The following RALA variants were observed in gnomAD, a reference collection of about 807,000 sequenced individuals.
The protein encoded by RALA is RAS like proto-oncogene A, also known as ras-related protein Ral-A.
In RALA, 5 loss-of-function variants were observed where a neutral mutation model predicts 24.0. The ratio of observed to expected loss-of-function variants is 0.21; its 90% CI spans 0.11 to 0.44. The LOEUF is 0.44. RALA is among the 20% of genes least tolerant of loss of function. The pLI is 0.99. For missense variants in RALA, 95 were observed against 241.2 expected, an observed-to-expected ratio of 0.39 and a Z score of 4.01; for synonymous variants, 77 against 83.8, an observed-to-expected ratio of 0.92 and a Z score of 0.44.
intron 2 of RALA, among the ~76,000 whole-genome samples, chr7:39,687,927 A>G (rs1792737294): frequency 6.6e-6 from 1 of 152,004 alleles, no homozygotes; most frequent in African/African-American, 2.4e-5. Context: ...CCATGTCTTT[A>G]TCTCTTTTTT....
chr7:39,630,952 A>C (rs189689764), intron 1 of RALA, among the ~76,000 whole-genome samples: 106 of 151,698 alleles, frequency 7.0e-4, no homozygotes, highest in Non-Finnish European at 1.8e-4. Context: ...TTCTTGTATG[A>C]ATTTTAGCAT....
chr7:39,636,824 A>C (rs758756868), intron 1 of RALA, among the ~76,000 whole-genome samples: 1 of 152,088 alleles, frequency 6.6e-6, no homozygotes, highest in Admixed American at 6.5e-5. Flanking sequence ...GCACATTCTC[A>C]TTATGGTGGA....
chr7:39,691,800 A>G (rs951575255), intron 3 of RALA, among the ~76,000 whole-genome samples: 9 of 152,248 alleles, frequency 5.9e-5, no homozygotes, highest in African/African-American at 2.2e-4. Context: ...AGACTCTGGT[A>G]GCTTGTAATT....
intron 1 of RALA, among the ~76,000 whole-genome samples, chr7:39,640,762 A>C (rs1791800229): frequency 6.6e-6 from 1 of 152,244 alleles, no homozygotes; most frequent in Admixed American, 6.5e-5. Context: ...CTTCATCTTC[A>C]TTCAACAGTT....
intron 1 of RALA, among the ~76,000 whole-genome samples, chr7:39,673,209 T>G (rs1269576512): frequency 3.9e-5 from 6 of 152,152 alleles, no homozygotes; most frequent in African/African-American, 1.4e-4. Context: ...AGAAATTATC[T>G]TCACAAATTT....
intron 4 of RALA, chr7:39,700,474 T>G (rs1793007582): frequency 6.6e-6 from 1 of 152,314 alleles, no homozygotes; most frequent in Admixed American, 6.5e-5. Context: ...TAGTTTAGGC[T>G]TCCTCACAGC....
At chr7:39,672,556 A>T (rs986465816) in intron 1 of RALA, among the ~76,000 whole-genome samples, 28 of 152,136 alleles carry the variant, frequency 1.8e-4, no homozygotes, top group Non-Finnish European at 1.3e-4. Flanking sequence ...AGACCTGTAC[A>T]CAAAAGTTTA....
chr7:39,631,984 G>A (rs936653592), intron 1 of RALA, among the ~76,000 whole-genome samples: 2 of 152,192 alleles, frequency 1.3e-5, no homozygotes, highest in African/African-American at 4.8e-5. Flanking sequence ...GTGAGCAGGT[G>A]TGACACATGG....
intron 1 of RALA, among the ~76,000 whole-genome samples, chr7:39,671,716 C>T (rs560054463): frequency 6.7e-6 from 1 of 149,096 alleles, no homozygotes; most frequent in African/African-American, 2.6e-5. Context: ...GTTAAACCAT[C>T]TTTAAGCCAT....
Position 39,696,816 on chromosome 7 carries a change from A to G in RALA, c.455A>G (p.Asn152Ser). ...AKNRAEQWNV[N>S]YVETSAKTRA... is the part of the protein sequence containing the mutation. ...AACAGAGCTGAGCAGTGGAATGTTA[A>G]CTACGTGGAAACATCTGCTAAAACA... is the stretch of plus-strand genomic sequence containing the variant. The change falls in exon 4 of 5, where the codon AAC (asparagine) becomes AGC (serine). Residue 152 changes from asparagine (N) to serine (S), a missense_variant. Asn to Ser is a conservative substitution (Grantham distance 46). Transcript: ENST00000005257. 1.2e-6 allele frequency: 2 copies of G among 1,613,512 alleles called. No homozygotes were observed. The highest frequency in any genetic ancestry group is 8.5e-7 in the Non-Finnish European group (1 of 1,179,792).
chr7:39,689,587 A>G (rs985544621), intron 2 of RALA, among the ~76,000 whole-genome samples: 5 of 152,204 alleles, frequency 3.3e-5, no homozygotes, highest in African/African-American at 9.7e-5. Context: ...AAAACCCACA[A>G]ATGTCTGTGT....
chr7:39,683,952 T>C (rs183900894), intron 1 of RALA, among the ~76,000 whole-genome samples: 3 of 152,300 alleles, frequency 2.0e-5, no homozygotes, highest in South Asian at 4.1e-4. Flanking sequence ...ACAGTAGATA[T>C]ATTAGCTGTG....
chr7:39,701,249 A>T (rs1041169655), intron 4 of RALA, among the ~76,000 whole-genome samples: 2 of 152,190 alleles, frequency 1.3e-5, no homozygotes, highest in African/African-American at 4.8e-5. Flanking sequence ...GTGCCACCAC[A>T]CCTATAATCC....
chr7:39,642,030 C>G (rs1314028228), intron 1 of RALA, among the ~76,000 whole-genome samples: 7 of 152,072 alleles, frequency 4.6e-5, no homozygotes, highest in Non-Finnish European at 1.0e-4. Context: ...TGGAACAGCC[C>G]TTAAGGGGTC....
intron 1 of RALA, among the ~76,000 whole-genome samples, chr7:39,643,469 C>A (rs1231526383): frequency 1.3e-5 from 2 of 152,222 alleles, no homozygotes; most frequent in Non-Finnish European, 2.9e-5. Flanking sequence ...ACCTCTAACC[C>A]CAGCACTTTG....
chr7:39,631,804 C>A (rs1292502843), intron 1 of RALA, among the ~76,000 whole-genome samples: 1 of 152,072 alleles, frequency 6.6e-6, no homozygotes, highest in African/African-American at 2.4e-5. Context: ...ACTAAGTTGA[C>A]TATGTTAGCC....
At chr7:39,639,768 A>G (rs1252536595) in intron 1 of RALA, among the ~76,000 whole-genome samples, 1 of 152,006 alleles carries the variant, frequency 6.6e-6, no homozygotes, top group East Asian at 1.9e-4. Flanking sequence ...TATTCCAGCA[A>G]CTCAGGGAAC....
chr7:39,686,351 G>GT (rs1747033518), intron 1 of RALA, among the ~76,000 whole-genome samples: 1 of 152,170 alleles, frequency 6.6e-6, no homozygotes, highest in South Asian at 2.1e-4. Context: ...TCAGCATGCA[G>GT]TTGTACTGGG....
chr7:39,668,842 G>T (rs183452936), intron 1 of RALA, among the ~76,000 whole-genome samples: 24 of 150,928 alleles, frequency 1.6e-4, no homozygotes, highest in African/African-American at 4.6e-4. Flanking sequence ...AAGGCCAGGC[G>T]CAGTGGCTCA....
Sources: gnomAD v4.1 joint callset for allele counts (sites outside exome capture counted in the v4.1 genomes callset) on GRCh38, gnomAD v4.1.1 for gene constraint, MANE v1.5 for transcripts, NCBI Gene and HGNC (gene_info 2026-07-23, HGNC 2026-07-21) for gene names.